The following B3GALT1 variants were observed in gnomAD, a reference collection of about 807,000 sequenced individuals.
The protein encoded by B3GALT1 is beta-1,3-galactosyltransferase 1, also known as UDP-Gal:betaGlcNAc beta 1,3-galactosyltransferase, polypeptide 1.
In B3GALT1, 10 loss-of-function variants were observed where a neutral mutation model predicts 23.2. The ratio of observed to expected loss-of-function variants is 0.43; its 90% CI spans 0.27 to 0.73. The LOEUF (loss-of-function observed/expected upper bound fraction) is 0.73. Ranked by LOEUF, B3GALT1 falls within the 30% of genes least tolerant of loss-of-function variation. B3GALT1 has a pLI of 0.21. For missense variants in B3GALT1, 299 were observed against 405.4 expected (o/e 0.74, Z 2.25); for synonymous variants, 156 against 141.5 (o/e 1.10, Z -0.73).
intron 1 of B3GALT1, among the ~76,000 whole-genome samples, chr2:167,463,279 G>A (rs1003571657): frequency 2.0e-5 from 3 of 152,058 alleles, no homozygotes; most frequent in Non-Finnish European, 4.4e-5. Context: ...ATGCCTAGCA[G>A]TATCAGGAAC....
chr2:167,658,844 G>C (rs1021063812), intron 3 of B3GALT1, among the ~76,000 whole-genome samples: 1 of 152,006 alleles, frequency 6.6e-6, no homozygotes, highest in African/African-American at 2.4e-5. Flanking sequence ...ATAAAATCTG[G>C]ATAGTTGCTG....
chr2:167,454,675 A>T (rs960895957), intron 1 of B3GALT1, among the ~76,000 whole-genome samples: 3 of 152,180 alleles, frequency 2.0e-5, no homozygotes, highest in African/African-American at 4.8e-5. Flanking sequence ...GAAATAATAA[A>T]GCCTTTAAAT....
At chr2:167,586,569 G>A (rs572544843) in intron 2 of B3GALT1, among the ~76,000 whole-genome samples, 4 of 152,176 alleles carry the variant, frequency 2.6e-5, no homozygotes, top group Non-Finnish European at 5.9e-5. Flanking sequence ...AAAGTGCCGG[G>A]ATTACAGGTG....
intron 1 of B3GALT1, among the ~76,000 whole-genome samples, chr2:167,442,951 A>G (rs1007668557): frequency 1.3e-5 from 2 of 149,232 alleles, no homozygotes; most frequent in Non-Finnish European, 3.0e-5. Context: ...GTCCTTGCCC[A>G]TGCCTATGTC....
intron 1 of B3GALT1, among the ~76,000 whole-genome samples, chr2:167,410,502 A>G (rs1187283780): frequency 1.3e-5 from 2 of 151,692 alleles, no homozygotes; most frequent in Non-Finnish European, 2.9e-5. Flanking sequence ...AAAAAAAAAA[A>G]AAAAAAAAAA....
Position 167,871,529 on chromosome 2 carries a change from A to G in B3GALT1, c.*1509A>G, listed in dbSNP as rs1690345493. The stretch of plus-strand genomic sequence containing the variant: ...TTGGGAAGGCTTCCATTTCTCTGAG[A>G]TTTCTTCTGGTTTCAATGAATAAGT... On this transcript the variant is annotated 3_prime_UTR_variant, in exon 5 of 5. Transcript: ENST00000392690. 1 of 152,078 alleles carries G rather than the reference A, an allele frequency of 6.6e-6. No homozygotes were observed. The highest frequency in any genetic ancestry group is 2.4e-5 in the African/African-American group (1 of 41,394). The allele number at this position is 152,078 out of a possible 1,614,324, so 9.4% of individuals were successfully genotyped here. A position where few individuals can be genotyped will look rare whatever the true frequency, so the allele number is the denominator to read the frequency against.
chr2:167,669,116 G>A (rs985726898), intron 3 of B3GALT1, among the ~76,000 whole-genome samples: 1 of 151,904 alleles, frequency 6.6e-6, no homozygotes, highest in African/African-American at 2.4e-5. Flanking sequence ...TTAATTCCTT[G>A]TTGTGGTCTG....
chr2:167,534,802 C>T (rs1683387725), intron 2 of B3GALT1, among the ~76,000 whole-genome samples: 1 of 152,090 alleles, frequency 6.6e-6, no homozygotes, highest in Non-Finnish European at 1.5e-5. Flanking sequence ...ATTGTTAGTA[C>T]CACTGTTCTT....
intron 4 of B3GALT1, among the ~76,000 whole-genome samples, chr2:167,854,056 C>G (rs1257051749): frequency 1.3e-5 from 2 of 152,164 alleles, no homozygotes; most frequent in East Asian, 3.8e-4. Flanking sequence ...CCAGGATGAG[C>G]ACAGTAGGGA....
chr2:167,774,497 G>GTTTTTTTTTTTTTTTTTTTTTTTTTT (rs397986581), intron 3 of B3GALT1, among the ~76,000 whole-genome samples: 6 of 83,002 alleles, frequency 7.2e-5, no homozygotes, highest in African/African-American at 1.9e-4. Flanking sequence ...TTTTTTTTTT[G>GTTTTTTTTTTTTTTTTTTTTTTTTTT]TTTTTTTTTT....
chr2:167,458,701 T>C (rs373106194), intron 1 of B3GALT1, among the ~76,000 whole-genome samples: 1 of 152,232 alleles, frequency 6.6e-6, no homozygotes, highest in East Asian at 1.9e-4. Context: ...ATTTCTCTAA[T>C]GCTTATTGAT....
At chr2:167,636,177 C>T (rs1685550818) in intron 2 of B3GALT1, among the ~76,000 whole-genome samples, 1 of 151,910 alleles carries the variant, frequency 6.6e-6, no homozygotes. Flanking sequence ...GAGATTAAGA[C>T]TCTCAGAGCA....
At chr2:167,625,827 T>C (rs1349109660) in intron 2 of B3GALT1, among the ~76,000 whole-genome samples, 1 of 151,146 alleles carries the variant, frequency 6.6e-6, no homozygotes, top group East Asian at 2.0e-4. Flanking sequence ...TGTGGCACAT[T>C]AAAATGAGGC....
intron 4 of B3GALT1, among the ~76,000 whole-genome samples, chr2:167,846,961 A>C (rs1689774308): frequency 6.6e-6 from 1 of 152,240 alleles, no homozygotes; most frequent in East Asian, 1.9e-4. Flanking sequence ...AGCTATTCTT[A>C]TATCAGACAA....
chr2:167,576,748 G>A (rs1574148519), intron 2 of B3GALT1, among the ~76,000 whole-genome samples: 1 of 151,366 alleles, frequency 6.6e-6, no homozygotes, highest in East Asian at 1.9e-4. Context: ...AAAGGTGTGT[G>A]GTCTCCATTT....
intron 1 of B3GALT1, among the ~76,000 whole-genome samples, chr2:167,451,839 C>G (rs534068521): frequency 6.6e-6 from 1 of 152,298 alleles, no homozygotes; most frequent in African/African-American, 2.4e-5. Context: ...AGCTCAGACT[C>G]TCCTTGGACA....
At chr2:167,551,680 A>T (rs1683750001) in intron 2 of B3GALT1, among the ~76,000 whole-genome samples, 1 of 152,098 alleles carries the variant, frequency 6.6e-6, no homozygotes, top group Non-Finnish European at 1.5e-5. Context: ...GAGGAAATGC[A>T]AATTGCCCAG....
At chr2:167,854,120 A>T (rs1199412227) in intron 4 of B3GALT1, among the ~76,000 whole-genome samples, 1 of 152,172 alleles carries the variant, frequency 6.6e-6, no homozygotes, top group East Asian at 1.9e-4. Context: ...TGCCAAAATG[A>T]CCAGCAATTA....
intron 4 of B3GALT1, among the ~76,000 whole-genome samples, chr2:167,840,744 C>T (rs1163755812): frequency 2.0e-5 from 3 of 150,536 alleles, no homozygotes; most frequent in East Asian, 3.9e-4. Context: ...TATTGCGGCA[C>T]TATTCACAAT....
Sources: gnomAD v4.1 joint callset for allele counts (sites outside exome capture counted in the v4.1 genomes callset) on GRCh38, gnomAD v4.1.1 for gene constraint, MANE v1.5 for transcripts, NCBI Gene and HGNC (gene_info 2026-07-23, HGNC 2026-07-21) for gene names.